Variants in RALGPS1 observed in about 807,000 individuals in gnomAD.
RALGPS1 encodes Ral GEF with PH domain and SH3 binding motif 1.
A neutral mutation model predicts 78.8 loss-of-function variants in RALGPS1; 19 were observed. That is an observed-to-expected ratio of 0.24 (90% CI 0.17 to 0.35). The LOEUF (loss-of-function observed/expected upper bound fraction) is 0.35. Among genes scored for constraint, RALGPS1 ranks in the 10% least tolerant of loss-of-function variants. The pLI, the probability that RALGPS1 is intolerant of heterozygous loss-of-function variation, is 1.00. For missense variants in RALGPS1, 454 were observed against 688.3 expected (o/e 0.66, Z 3.81); for synonymous variants, 228 against 256.3 (o/e 0.89, Z 1.06).
rs115428441 is a variant in RALGPS1 at position 126,958,621 on chromosome 9, G to C, written c.-65-3604G>C. 2.8e-3 allele frequency among the ~76,000 whole-genome samples: 419 copies of C among 152,336 alleles called. 2 individuals carry two copies. The highest frequency in any genetic ancestry group is 9.4e-3 in the African/African-American group (392 of 41,580). ...TCACCTCTCTGTTTTGCTGGATAGT[G>C]CTCCATCCTGCGGTGTGTCGACTGA... On this transcript the variant is annotated intron_variant, in intron 1 of 18. Coordinates refer to ENST00000259351, the MANE Select transcript of RALGPS1 (RefSeq NM_014636.3).
At chr9:126,966,705 A>G (rs1274362126) in intron 3 of RALGPS1, among the ~76,000 whole-genome samples, 1 of 151,892 alleles carries the variant, frequency 6.6e-6, no homozygotes, top group African/African-American at 2.4e-5. Flanking sequence ...CTTTTTGTTT[A>G]TGTATACTTT....
rs185698469 is a variant in RALGPS1, at chr9:126,972,445, A to G, written c.166-5250A>G. Among the ~76,000 whole-genome samples the G allele has an allele frequency of 1.6e-4, 24 of 152,368 alleles. 1 individual carries two copies. The highest frequency in any genetic ancestry group is 9.1e-4 in the Admixed American group (14 of 15,308). On this transcript the variant is annotated intron_variant, in intron 3 of 18. Coordinates refer to ENST00000259351, the MANE Select transcript of RALGPS1 (RefSeq NM_014636.3). ...AGTTAAGAAAAGGAAAAGAAATGAA[A>G]GAATTGGAATATCATCATTTTGTAA...
intron 1 of RALGPS1, among the ~76,000 whole-genome samples, chr9:126,956,252 G>A (rs1350889640): frequency 6.6e-6 from 1 of 152,062 alleles, no homozygotes; most frequent in Non-Finnish European, 1.5e-5. Flanking sequence ...CTCAGGGCGG[G>A]GCTAGGCCAG....
chr9:127,217,308 G>A (rs964670089), intron 18 of RALGPS1: 2 of 1,068,028 alleles, frequency 1.9e-6, no homozygotes, highest in African/African-American at 1.7e-5. Flanking sequence ...CCCACTATGT[G>A]CTATATGTAA....
chr9:127,175,095 C>T (rs1350667429), intron 11 of RALGPS1, among the ~76,000 whole-genome samples: 8 of 152,266 alleles, frequency 5.3e-5, no homozygotes. Flanking sequence ...CCAGCATCTT[C>T]TCCAGGCTCT....
chr9:127,008,413 C>T (rs908499892), intron 4 of RALGPS1, among the ~76,000 whole-genome samples: 4 of 152,208 alleles, frequency 2.6e-5, no homozygotes, highest in African/African-American at 9.6e-5. Context: ...CTGGTTGGGA[C>T]TGGCTTGCCA....
At chr9:127,179,859 G>C (rs1410003088) in intron 11 of RALGPS1, among the ~76,000 whole-genome samples, 1 of 152,184 alleles carries the variant, frequency 6.6e-6, no homozygotes, top group Non-Finnish European at 1.5e-5. Flanking sequence ...CAGTGGCCCA[G>C]GTCTCGCCCT....
chr9:127,014,361 CCAT>C (rs1243100738), intron 4 of RALGPS1, among the ~76,000 whole-genome samples: 1 of 152,164 alleles, frequency 6.6e-6, no homozygotes, highest in Non-Finnish European at 1.5e-5. Context: ...TGCACACCAG[CCAT>C]CTGTAGCCAT....
intron 8 of RALGPS1, among the ~76,000 whole-genome samples, chr9:127,071,045 A>ATG (rs1589307173): frequency 6.6e-6 from 1 of 150,816 alleles, no homozygotes; most frequent in East Asian, 1.9e-4. Context: ...CTCTCTATAT[A>ATG]TATATACACT....
chr9:127,041,247 A>G (rs1477579893), intron 5 of RALGPS1, among the ~76,000 whole-genome samples: 2 of 152,034 alleles, frequency 1.3e-5, no homozygotes, highest in Admixed American at 6.5e-5. Flanking sequence ...GCATGCCACC[A>G]CACCCAGCTA....
At chr9:126,948,938 G>A (rs1240621539) in intron 1 of RALGPS1, among the ~76,000 whole-genome samples, 1 of 151,848 alleles carries the variant, frequency 6.6e-6, no homozygotes, top group African/African-American at 2.4e-5. Flanking sequence ...TTAGCATTAG[G>A]TATATCTCCT....
intron 8 of RALGPS1, among the ~76,000 whole-genome samples, chr9:127,161,557 A>G (rs933267531): frequency 1.3e-5 from 2 of 152,120 alleles, no homozygotes; most frequent in African/African-American, 4.8e-5. Context: ...GACACTGATG[A>G]TGGGACCTGG....
intron 8 of RALGPS1, among the ~76,000 whole-genome samples, chr9:127,084,622 A>G (rs1338087596): frequency 6.6e-6 from 1 of 152,054 alleles, no homozygotes; most frequent in Non-Finnish European, 1.5e-5. Context: ...CTCTCACTTG[A>G]CTGAAGGTGG....
At chr9:127,044,683 A>G (rs891220629) in intron 5 of RALGPS1, among the ~76,000 whole-genome samples, 2 of 152,202 alleles carry the variant, frequency 1.3e-5, no homozygotes, top group South Asian at 4.1e-4. Flanking sequence ...TCACCCAGGT[A>G]GTGAGCATAG....
At chr9:127,073,261 G>A (rs1257238513) in intron 8 of RALGPS1, among the ~76,000 whole-genome samples, 1 of 152,046 alleles carries the variant, frequency 6.6e-6, no homozygotes, top group Non-Finnish European at 1.5e-5. Context: ...CCCAGCCTCT[G>A]GTATCTATCA....
intron 1 of RALGPS1, among the ~76,000 whole-genome samples, chr9:126,959,386 C>CTTT (rs1357838051): frequency 1.3e-5 from 2 of 152,050 alleles, no homozygotes; most frequent in Non-Finnish European, 2.9e-5. Context: ...TGTGAAATGT[C>CTTT]TGTTCAAATC....
chr9:126,947,806 T>C (rs1360103413), intron 1 of RALGPS1, among the ~76,000 whole-genome samples: 1 of 152,198 alleles, frequency 6.6e-6, no homozygotes, highest in Non-Finnish European at 1.5e-5. Context: ...CCAGGTGTGC[T>C]CTGAGCCTTG....
intron 8 of RALGPS1, chr9:127,107,869 G>A: frequency 1.3e-6 from 2 of 1,498,262 alleles, no homozygotes; most frequent in Non-Finnish European, 1.8e-6. Flanking sequence ...GAAGCCTGGT[G>A]CCTGGCTCTG....
At chr9:127,001,527 G>A (rs2133596257) in intron 4 of RALGPS1, among the ~76,000 whole-genome samples, 1 of 152,238 alleles carries the variant, frequency 6.6e-6, no homozygotes, top group South Asian at 2.1e-4. Context: ...ATTTACAACA[G>A]TGTATGTCTA....
Sources: allele counts gnomAD v4.1 joint callset (sites outside exome capture counted in the v4.1 genomes callset), GRCh38; gene constraint gnomAD v4.1.1; transcripts MANE v1.5; gene names NCBI Gene and HGNC (gene_info 2026-07-23, HGNC 2026-07-21).